Variants in ST6GAL1 observed in about 807,000 individuals in gnomAD.
ST6GAL1 encodes beta-galactoside alpha-2,6-sialyltransferase 1.
In ST6GAL1, 20 loss-of-function variants were observed where a neutral mutation model predicts 38.0. The ratio of observed to expected loss-of-function variants is 0.53; its 90% confidence interval spans 0.37 to 0.77. ST6GAL1 has a LOEUF of 0.77. Ranked by LOEUF, ST6GAL1 falls within the 30% of genes least tolerant of loss-of-function variation. The pLI is 0.00. For synonymous variants in ST6GAL1, 196 were observed against 188.2 expected (o/e 1.04, Z -0.34); for missense variants, 432 against 496.4 (o/e 0.87, Z 1.23).
At position 187,074,201 on chromosome 3, in the gene ST6GAL1, A is replaced by T; in HGVS notation, c.847A>T (p.Thr283Ser). ...TTATAATTTCTTTAACAACTACAAG[A>T]CTTATCGTAAGCTGCACCCCAATCA... ...PDYNFFNNYKTYRKLHPNQPF... is the reference protein window; with the variant it reads ...PDYNFFNNYKSYRKLHPNQPF... The change falls in exon 7 of 8, where the codon ACT becomes TCT. Residue 283 changes from threonine (T) to serine (S), a missense_variant. Thr to Ser is a moderately conservative substitution (Grantham distance 58). Coordinates refer to ENST00000169298, the MANE Select transcript of ST6GAL1 (RefSeq NM_173216.2). 1 of 1,612,212 alleles carries T rather than the reference A, an allele frequency of 6.2e-7. No individual in the cohort carries two copies. Among genetic ancestry groups the T allele is most frequent in the Non-Finnish European group, 8.5e-7 (1 of 1,179,266 alleles).
chr3:186,948,016 T>C (rs1714438543), intron 1 of ST6GAL1, among the ~76,000 whole-genome samples: 1 of 152,146 alleles, frequency 6.6e-6, no homozygotes, highest in African/African-American at 2.4e-5. Context: ...GAGGCTGTAA[T>C]GAAAGGCAGC....
intron 2 of ST6GAL1, among the ~76,000 whole-genome samples, chr3:186,977,029 T>G (rs1418311422): frequency 6.6e-6 from 1 of 152,170 alleles, no homozygotes; most frequent in Non-Finnish European, 1.5e-5. Flanking sequence ...CTTTATAAAG[T>G]CTCCTGTGCT....
At chr3:187,014,984 T>C (rs749235421) in intron 2 of ST6GAL1, among the ~76,000 whole-genome samples, 3 of 152,240 alleles carry the variant, frequency 2.0e-5, no homozygotes, top group Non-Finnish European at 4.4e-5. Context: ...TTCTTCCTTA[T>C]TGATTCCACG....
intron 5 of ST6GAL1, among the ~76,000 whole-genome samples, chr3:187,058,967 G>A (rs1718816619): frequency 6.6e-6 from 1 of 152,100 alleles, no homozygotes; most frequent in African/African-American, 2.4e-5. Flanking sequence ...AGAAGAGATA[G>A]GATTGAAAGG....
Position 187,043,225 on chromosome 3 carries a change from T to A in ST6GAL1, c.522T>A (p.Ile174=). 6.2e-7 allele frequency: 1 copy of A among 1,614,150 alleles called. No homozygotes were observed. The highest frequency in any genetic ancestry group is 8.5e-7 in the Non-Finnish European group (1 of 1,180,010). The change falls in exon 4 of 8, where the codon ATT becomes ATA. Residue 174 remains isoleucine, a synonymous_variant. Coordinates refer to ENST00000169298, the MANE Select transcript of ST6GAL1 (RefSeq NM_173216.2). ...AGGGTTATCTGCCCAAGGAGAGCAT[T>A]AGGACCAAGGCTGGGCCTTGGGGCA... ...EWEGYLPKES[I]RTKAGPWGRC...
chr3:187,011,580 G>A (rs1440116162), intron 2 of ST6GAL1, among the ~76,000 whole-genome samples: 4 of 152,198 alleles, frequency 2.6e-5, no homozygotes, highest in Non-Finnish European at 5.9e-5. Flanking sequence ...ACAACCTCCT[G>A]CTCTTTTTCA....
intron 2 of ST6GAL1, among the ~76,000 whole-genome samples, chr3:186,989,415 A>C (rs1466629523): frequency 6.6e-6 from 1 of 152,214 alleles, no homozygotes; most frequent in Non-Finnish European, 1.5e-5. Context: ...TCTTGAAAGA[A>C]GGGTTGTCAT....
chr3:186,991,823 G>A (rs1716178975), intron 2 of ST6GAL1, among the ~76,000 whole-genome samples: 2 of 152,132 alleles, frequency 1.3e-5, no homozygotes, highest in Admixed American at 6.5e-5. Flanking sequence ...GTTCCACTGA[G>A]CCACAGAGCT....
chr3:187,071,495 A>G (rs533038953), intron 5 of ST6GAL1, among the ~76,000 whole-genome samples: 1 of 152,060 alleles, frequency 6.6e-6, no homozygotes, highest in Non-Finnish European at 1.5e-5. Flanking sequence ...CATGCCTGTA[A>G]TCCCAGCACT....
Position 187,051,326 on chromosome 3 carries a change from A to G in ST6GAL1, c.685A>G (p.Ile229Val). ...FQQDVGTKTTIRLMNSQLVTT... is the reference protein window; with the variant it reads ...FQQDVGTKTTVRLMNSQLVTT... ...ACAAGATGTGGGCACAAAAACTACC[A>G]TTCGCCTGATGAACTCTCAGGTAAA... Residue 229 changes from isoleucine to valine, a missense_variant, in exon 5 of 8, where the codon ATT (isoleucine) becomes GTT (valine). By Grantham distance (29) the Ile-to-Val change is conservative. Transcript: ENST00000169298. 1 of 1,614,140 alleles carries G rather than the reference A, an allele frequency of 6.2e-7. No individual in the cohort carries two copies. The highest frequency in any genetic ancestry group is 8.5e-7 in the Non-Finnish European group (1 of 1,179,992).
intron 2 of ST6GAL1, among the ~76,000 whole-genome samples, chr3:186,997,254 T>C (rs533164009): frequency 6.6e-6 from 1 of 152,264 alleles, no homozygotes; most frequent in East Asian, 1.9e-4. Context: ...TGTTATCTCA[T>C]GCAATGACCA....
intron 2 of ST6GAL1, among the ~76,000 whole-genome samples, chr3:187,023,209 G>T (rs1194587214): frequency 2.0e-5 from 3 of 152,156 alleles, no homozygotes; most frequent in African/African-American, 7.2e-5. Flanking sequence ...CTTCTTCTCA[G>T]TGAGGCTTTC....
chr3:187,044,917 C>T (rs944266494), intron 4 of ST6GAL1, among the ~76,000 whole-genome samples: 2 of 152,208 alleles, frequency 1.3e-5, no homozygotes, highest in Admixed American at 6.5e-5. Context: ...TGTTAGACTT[C>T]GAATGTTCTG....
At chr3:186,957,461 A>T (rs1370589832) in intron 1 of ST6GAL1, among the ~76,000 whole-genome samples, 1 of 152,212 alleles carries the variant, frequency 6.6e-6, no homozygotes, top group African/African-American at 2.4e-5. Flanking sequence ...AAAAGAAAAG[A>T]AAAGAAAAAT....
intron 2 of ST6GAL1, among the ~76,000 whole-genome samples, chr3:186,994,013 G>A (rs902335357): frequency 6.6e-6 from 1 of 152,136 alleles, no homozygotes; most frequent in Non-Finnish European, 1.5e-5. Flanking sequence ...GAAGCACTCG[G>A]CAGGCTCCTT....
chr3:186,993,895 A>T (rs1364664569), intron 2 of ST6GAL1, among the ~76,000 whole-genome samples: 1 of 152,194 alleles, frequency 6.6e-6, no homozygotes, highest in African/African-American at 2.4e-5. Flanking sequence ...AACAATGATG[A>T]TAATGATAAT....
chr3:186,991,458 G>A (rs1239750494), intron 2 of ST6GAL1, among the ~76,000 whole-genome samples: 1 of 152,142 alleles, frequency 6.6e-6, no homozygotes, highest in African/African-American at 2.4e-5. Flanking sequence ...CTGGGGATCA[G>A]GGAGGCTTTG....
At chr3:186,959,133 A>G (rs56331622) in intron 1 of ST6GAL1, among the ~76,000 whole-genome samples, 5,620 of 152,230 alleles carry the variant, frequency 0.037, 149 homozygotes, top group East Asian at 0.068. Flanking sequence ...GTGCAGAGGT[A>G]CCCTCCTTTG....
chr3:186,974,297 C>T (rs1052758719), intron 2 of ST6GAL1, among the ~76,000 whole-genome samples: 15 of 152,136 alleles, frequency 9.9e-5, no homozygotes, highest in African/African-American at 1.4e-4. Context: ...CAGGTGCTGC[C>T]GATACTGCAG....
Sources: allele counts gnomAD v4.1 joint callset (sites outside exome capture counted in the v4.1 genomes callset), GRCh38; gene constraint gnomAD v4.1.1; transcripts MANE v1.5; gene names NCBI Gene and HGNC (gene_info 2026-07-23, HGNC 2026-07-21).